Variants in SYT6 observed in about 807,000 individuals in gnomAD.
SYT6 encodes the protein synaptotagmin 6.
SYT6 carries 24 observed loss-of-function variants against 38.4 expected under a neutral mutation model. The observed-to-expected ratio is 0.62, with a 90% CI of 0.45 to 0.88. The LOEUF (loss-of-function observed/expected upper bound fraction) is 0.88. Ranked by LOEUF, SYT6 falls within the 40% of genes least tolerant of loss-of-function variation. The probability of loss-of-function intolerance (pLI) is 0.00; values close to 1 mark genes in which losing one functional copy is unlikely to be tolerated. For synonymous variants in SYT6, 265 were observed against 241.9 expected, an observed-to-expected ratio of 1.10 and a Z score of -0.89; for missense variants, 611 against 621.0, an observed-to-expected ratio of 0.98 and a Z score of 0.17.
intron 3 of SYT6, among the ~76,000 whole-genome samples, chr1:114,115,919 GCTCCACCCCA>G (rs1676966737): frequency 6.6e-6 from 1 of 152,038 alleles, no homozygotes; most frequent in South Asian, 2.1e-4. Flanking sequence ...GACTGTCCAT[GCTCCACCCCA>G]CTCCACCCCA....
chr1:114,153,303 G>C, intron 1 of SYT6, among the ~76,000 whole-genome samples: 1 of 152,220 alleles, frequency 6.6e-6, no homozygotes, highest in Non-Finnish European at 1.5e-5. Flanking sequence ...CGAGCTTGGA[G>C]ATGCGAGGGA....
At chr1:114,151,650 C>G (rs2774297) in intron 1 of SYT6, among the ~76,000 whole-genome samples, 65,634 of 151,964 alleles carry the variant, frequency 0.43, 14,392 homozygotes, top group East Asian at 0.57. Flanking sequence ...TGTTCTCACC[C>G]TCTAGGCTCT....
chr1:114,109,338 T>G (rs747928323), intron 3 of SYT6, among the ~76,000 whole-genome samples: 2 of 152,244 alleles, frequency 1.3e-5, no homozygotes, highest in African/African-American at 2.4e-5. Context: ...TGTAGCCCAG[T>G]GCCTGATGTG....
intron 6 of SYT6, among the ~76,000 whole-genome samples, chr1:114,096,265 G>A (rs570383160): frequency 7.0e-4 from 106 of 152,130 alleles, no homozygotes; most frequent in Middle Eastern, 3.4e-3. Context: ...GGTCTTTCTG[G>A]AAAAGAGGGG....
At chr1:114,097,905 T>C (rs1414836724) in intron 5 of SYT6, 28 bp from the exon 6 acceptor site, 2 of 1,611,808 alleles carry the variant, frequency 1.2e-6, no homozygotes, top group Non-Finnish European at 1.7e-6. Context: ...GTCCCAGCAC[T>C]GGCTACCAGA....
chr1:114,098,054 C>T (rs1675748797), intron 5 of SYT6, among the ~76,000 whole-genome samples, 177 bp from the exon 6 acceptor site: 1 of 152,158 alleles, frequency 6.6e-6, no homozygotes, highest in Non-Finnish European at 1.5e-5. Context: ...TTGCCTAGTC[C>T]CCTTCAGTGG....
chr1:114,120,716 G>A (rs925245292), intron 3 of SYT6, among the ~76,000 whole-genome samples: 7 of 152,212 alleles, frequency 4.6e-5, no homozygotes, highest in African/African-American at 1.7e-4. Flanking sequence ...GAGACAATGT[G>A]TGCAAAAAGG....
intron 3 of SYT6, among the ~76,000 whole-genome samples, chr1:114,136,881 G>A (rs564935): frequency 0.011 from 1,690 of 151,780 alleles, 27 homozygotes; most frequent in African/African-American, 0.039. Context: ...AGGAGTTACC[G>A]CGTGTCTTGT....
At chr1:114,100,274 T>G (rs1052303135) in intron 4 of SYT6, among the ~76,000 whole-genome samples, 2 of 152,236 alleles carry the variant, frequency 1.3e-5, no homozygotes, top group African/African-American at 4.8e-5. Context: ...GAGACGCTGA[T>G]GTGCTGAGAC....
At chr1:114,133,867 A>G (rs1054923822) in intron 3 of SYT6, among the ~76,000 whole-genome samples, 2 of 150,770 alleles carry the variant, frequency 1.3e-5, no homozygotes, top group African/African-American at 4.9e-5. Flanking sequence ...AAAGAGCTAG[A>G]CTCCTCGGAT....
intron 3 of SYT6, among the ~76,000 whole-genome samples, chr1:114,121,008 C>T (rs933434460): frequency 6.6e-6 from 1 of 152,236 alleles, no homozygotes; most frequent in East Asian, 1.9e-4. Context: ...GTCCCTACCG[C>T]CCTGCCCACT....
chr1:114,099,208 G>A lies in SYT6; in HGVS notation c.1250C>T (p.Thr417Ile). 1 of 1,614,080 alleles carries A rather than the reference G, an allele frequency of 6.2e-7. No individual in the cohort carries two copies. Among genetic ancestry groups the A allele is most frequent in the Non-Finnish European group, 8.5e-7 (1 of 1,179,984 alleles). The change falls in exon 5 of 8, where the codon ACA becomes ATA. Residue 417 changes from threonine to isoleucine, a missense_variant. Physicochemically the swap from Thr to Ile is moderately conservative, Grantham distance 89 (BLOSUM62 -1). Coordinates refer to ENST00000610222, the MANE Select transcript of SYT6 (RefSeq NM_001253772.2). ...ATTGAGAGTGTTTTTCTTTATGGTT[G>A]TTTTCTTCTTCTTCAGCCTCCGCCC... is the stretch of plus-strand genomic sequence containing the variant. Reference protein sequence around the residue: ...CDGRRLKKKKTTIKKNTLNPV... With the variant: ...CDGRRLKKKKITIKKNTLNPV...
intron 4 of SYT6, 135 bp downstream of exon 4, chr1:114,103,466 G>T: frequency 8.0e-7 from 1 of 1,247,976 alleles, no homozygotes; most frequent in Non-Finnish European, 1.1e-6. Flanking sequence ...ACTGGAATTC[G>T]AATCCAGGCA....
intron 2 of SYT6, among the ~76,000 whole-genome samples, chr1:114,138,803 G>A (rs937133167): frequency 6.6e-6 from 1 of 152,194 alleles, no homozygotes; most frequent in African/African-American, 2.4e-5. Flanking sequence ...TTATTTTACA[G>A]TTGGAAAAAG....
intron 6 of SYT6, among the ~76,000 whole-genome samples, chr1:114,096,387 G>A (rs554086726): frequency 6.6e-6 from 1 of 152,198 alleles, no homozygotes; most frequent in Non-Finnish European, 1.5e-5. Flanking sequence ...AGCCTCAACT[G>A]CCAGAAACTT....
At chr1:114,094,162 G>A (rs1182328338) in intron 6 of SYT6, among the ~76,000 whole-genome samples, 1 of 152,166 alleles carries the variant, frequency 6.6e-6, no homozygotes, top group Non-Finnish European at 1.5e-5. Context: ...AAGGAACACT[G>A]GCTCCCCTGC....
At chr1:114,139,478 A>T in intron 2 of SYT6, 137 bp downstream of exon 2, 1 of 1,380,802 alleles carries the variant, frequency 7.2e-7, no homozygotes, top group Non-Finnish European at 9.7e-7. Context: ...CATGGCTCAC[A>T]TCATCTGACA....
chr1:114,113,685 C>T (rs1344868318), intron 3 of SYT6, among the ~76,000 whole-genome samples: 8 of 152,144 alleles, frequency 5.3e-5, no homozygotes. Flanking sequence ...AGTCCACCCA[C>T]CTCTCTCCAT....
intron 1 of SYT6, among the ~76,000 whole-genome samples, chr1:114,148,090 G>C (rs1222344850): frequency 1.3e-5 from 2 of 152,158 alleles, no homozygotes; most frequent in East Asian, 3.8e-4. Context: ...AGACTGTCTG[G>C]TTGGGGTGAT....
Sources: gnomAD v4.1 joint callset for allele counts (sites outside exome capture counted in the v4.1 genomes callset) on GRCh38, gnomAD v4.1.1 for gene constraint, MANE v1.5 for transcripts, NCBI Gene and HGNC (gene_info 2026-07-23, HGNC 2026-07-21) for gene names.